Variants in DLG2 observed in about 807,000 individuals in gnomAD.
DLG2 encodes disks large homolog 2.
In DLG2, 45 loss-of-function variants were observed where a neutral mutation model predicts 132.5. The ratio of observed to expected loss-of-function variants is 0.34; its 90% confidence interval spans 0.27 to 0.44. The LOEUF is 0.44. Among genes scored for constraint, DLG2 ranks in the 20% least tolerant of loss-of-function variants. DLG2 has a pLI of 1.00. For synonymous variants in DLG2, 424 were observed against 419.6 expected, an observed-to-expected ratio of 1.01 and a Z score of -0.13; for missense variants, 1,045 against 1,196.9, an observed-to-expected ratio of 0.87 and a Z score of 1.87.
At chr11:85,063,019 A>G (rs1311325610) in intron 6 of DLG2, among the ~76,000 whole-genome samples, 1 of 151,846 alleles carries the variant, frequency 6.6e-6, no homozygotes, top group African/African-American at 2.4e-5. Flanking sequence ...ATGTAGTGCT[A>G]AAGTACTAAG....
chr11:84,884,101 GT>G (rs1289780746), intron 6 of DLG2, among the ~76,000 whole-genome samples: 1 of 152,044 alleles, frequency 6.6e-6, no homozygotes, highest in African/African-American at 2.4e-5. Context: ...ATTAAAGAGT[GT>G]TTTTTGTCAC....
chr11:84,272,858 T>C (rs2097744745), intron 7 of DLG2, among the ~76,000 whole-genome samples: 2 of 152,138 alleles, frequency 1.3e-5, no homozygotes, highest in Admixed American at 6.6e-5. Context: ...ATATGGAATA[T>C]CAATATTGTT....
chr11:84,444,305 A>G lies in DLG2; in HGVS notation c.519+90265T>C, dbSNP rs150905106. ...TAGGTGATGGGTTGGTGATCTGCGC[A>G]GCAAAACACCATGGCTCATGTTTCC... On this transcript the variant is annotated intron_variant, in intron 7 of 27. Coordinates refer to ENST00000376104, the MANE Select transcript of DLG2 (RefSeq NM_001142699.3). 2.5e-3 allele frequency among the ~76,000 whole-genome samples: 374 copies of G among 152,324 alleles called. 1 individual carries two copies. Among genetic ancestry groups the G allele is most frequent in the African/African-American group, 8.4e-3 (350 of 41,564 alleles).
At chr11:83,819,898 C>G (rs542203309) in intron 17 of DLG2, among the ~76,000 whole-genome samples, 5 of 152,142 alleles carry the variant, frequency 3.3e-5, no homozygotes, top group African/African-American at 9.7e-5. Flanking sequence ...GAGCTCCCAG[C>G]TGATTCCTAG....
chr11:85,605,267 T>G (rs1241621819), intron 2 of DLG2, among the ~76,000 whole-genome samples: 1 of 152,176 alleles, frequency 6.6e-6, no homozygotes, highest in Non-Finnish European at 1.5e-5. Context: ...TCCAAAAGCT[T>G]TTGATTCCAA....
intron 7 of DLG2, among the ~76,000 whole-genome samples, chr11:84,335,951 C>A (rs529752438): frequency 6.6e-6 from 1 of 152,142 alleles, no homozygotes; most frequent in South Asian, 2.1e-4. Flanking sequence ...TCACCTCAAC[C>A]CCTGAAAAGA....
At chr11:85,022,057 G>A (rs2060122461) in intron 6 of DLG2, among the ~76,000 whole-genome samples, 1 of 151,682 alleles carries the variant, frequency 6.6e-6, no homozygotes, top group African/African-American at 2.4e-5. Flanking sequence ...TGCATAAAAA[G>A]GAAATAAAAT....
intron 6 of DLG2, among the ~76,000 whole-genome samples, chr11:84,937,443 T>G (rs1265626870): frequency 6.6e-6 from 1 of 152,020 alleles, no homozygotes; most frequent in African/African-American, 2.4e-5. Flanking sequence ...AAACTTCTGT[T>G]CTTTTCAGCA....
chr11:84,229,278 GTTC>G (rs1470308585), intron 8 of DLG2, among the ~76,000 whole-genome samples: 1 of 152,102 alleles, frequency 6.6e-6, no homozygotes, highest in Non-Finnish European at 1.5e-5. Context: ...GATTTAAAAT[GTTC>G]TTCTTGCTTT....
chr11:85,277,042 A>T (rs539648445), intron 4 of DLG2, among the ~76,000 whole-genome samples: 12 of 152,298 alleles, frequency 7.9e-5, no homozygotes, highest in African/African-American at 2.9e-4. Context: ...AAATTTCCAG[A>T]TGAAAACAAA....
chr11:85,377,238 A>G (rs1286903420), intron 3 of DLG2, among the ~76,000 whole-genome samples: 2 of 152,194 alleles, frequency 1.3e-5, no homozygotes, highest in Non-Finnish European at 2.9e-5. Context: ...GTAACACATA[A>G]TGGAAGTTCT....
chr11:85,430,848 C>CAAAAA (rs34643624), intron 3 of DLG2, among the ~76,000 whole-genome samples: 1 of 131,100 alleles, frequency 7.6e-6, no homozygotes, highest in Non-Finnish European at 1.6e-5. Context: ...GCTAGCCAGT[C>CAAAAA]AAAAAAAAAA....
intron 6 of DLG2, among the ~76,000 whole-genome samples, chr11:85,089,491 C>T (rs950553457): frequency 1.3e-5 from 2 of 152,088 alleles, no homozygotes; most frequent in African/African-American, 4.8e-5. Flanking sequence ...CATAGTATTC[C>T]ATGCTATATG....
intron 6 of DLG2, among the ~76,000 whole-genome samples, chr11:84,747,600 T>A (rs1353123737): frequency 6.6e-6 from 1 of 152,196 alleles, no homozygotes; most frequent in Non-Finnish European, 1.5e-5. Flanking sequence ...TAAAATGACA[T>A]AATATGAAAA....
At chr11:84,543,321 T>C (rs535617198) in intron 6 of DLG2, among the ~76,000 whole-genome samples, 1 of 152,158 alleles carries the variant, frequency 6.6e-6, no homozygotes, top group Admixed American at 6.5e-5. Context: ...TACATAATTT[T>C]CCCCTTCACT....
intron 10 of DLG2, among the ~76,000 whole-genome samples, chr11:84,092,954 T>A (rs751321925): frequency 6.6e-6 from 1 of 150,894 alleles, no homozygotes; most frequent in African/African-American, 2.4e-5. Flanking sequence ...AAGAATCGCT[T>A]GAACCCAGAA....
At chr11:84,289,745 T>C (rs532815025) in intron 7 of DLG2, among the ~76,000 whole-genome samples, 3 of 152,210 alleles carry the variant, frequency 2.0e-5, no homozygotes, top group South Asian at 4.2e-4. Context: ...AAGGCAGAAG[T>C]GGGAGAAATA....
At chr11:84,640,439 TG>T in intron 6 of DLG2, 1 of 472,396 alleles carries the variant, frequency 2.1e-6, no homozygotes, top group South Asian at 2.1e-5. Flanking sequence ...GAAACAACAT[TG>T]AGCTTATTTC....
intron 5 of DLG2, among the ~76,000 whole-genome samples, chr11:85,122,949 T>TTATATA (rs752512404): frequency 1.7e-3 from 82 of 48,144 alleles, no homozygotes; most frequent in Middle Eastern, 0.014. Flanking sequence ...TGTATATATA[T>TTATATA]TATATATATA....
Sources: allele counts gnomAD v4.1 joint callset (sites outside exome capture counted in the v4.1 genomes callset), GRCh38; gene constraint gnomAD v4.1.1; transcripts MANE v1.5; gene names NCBI Gene and HGNC (gene_info 2026-07-23, HGNC 2026-07-21).